Variants in DPF1 observed in about 807,000 individuals in gnomAD.
DPF1 encodes zinc finger protein neuro-d4.
In DPF1, 14 loss-of-function variants were observed where a neutral mutation model predicts 58.7. That is an observed-to-expected ratio of 0.24 (90% CI 0.16 to 0.37). The LOEUF is 0.37. Among genes scored for constraint, DPF1 ranks in the 10% least tolerant of loss-of-function variants. DPF1 has a pLI of 1.00. For missense variants in DPF1, 345 were observed against 529.9 expected, an observed-to-expected ratio of 0.65 and a Z score of 3.43; for synonymous variants, 216 against 216.0, an observed-to-expected ratio of 1.00 and a Z score of 0.00.
chr19:38,211,853 AGG>A lies in DPF1; in HGVS notation c.*208_*209del. 1 of 478,268 alleles carries A rather than the reference AGG, an allele frequency of 2.1e-6. No individual in the cohort carries two copies. The highest frequency in any genetic ancestry group is 3.6e-6 in the Non-Finnish European group (1 of 278,824). 29.6% of individuals were successfully genotyped at this position (478,268 alleles called of 1,614,324 possible). On this transcript the variant is annotated 3_prime_UTR_variant, in exon 12 of 12. Transcript: ENST00000355526. This position sits in a 1 kb window ranked among gnomAD's most constrained non-coding sequence, Gnocchi z 4.0. ...GGTGTCCATTTGCCAAGGGACAGAG[AGG>A]GAGGGAGGGAGGGAGAGGCCCTGGC...
chr19:38,211,930 G>T lies in DPF1; in HGVS notation c.*133C>A. ...ACATTCCACTTGCACAGAGGGGAGG[G>T]GGTGGCCCAGCCCCCTCTCGGCTTC... On this transcript the variant is annotated 3_prime_UTR_variant, in exon 12 of 12. Coordinates refer to ENST00000355526, the MANE Select transcript of DPF1 (RefSeq NM_001135155.3). This position sits in a 1 kb window ranked among gnomAD's most constrained non-coding sequence, Gnocchi z 4.0. 1.0e-6 allele frequency: 1 copy of T among 961,524 alleles called. No individual in the cohort carries two copies. Among genetic ancestry groups the T allele is most frequent in the Non-Finnish European group, 1.6e-6 (1 of 639,226 alleles). 59.6% of individuals were successfully genotyped at this position (961,524 alleles called of 1,614,324 possible).
At chr19:38,217,398 G>T in intron 7 of DPF1, 62 bp downstream of exon 7, 2 of 389,244 alleles carry the variant, frequency 5.1e-6, no homozygotes, top group Non-Finnish European at 7.1e-6. Context: ...CCCACCCCCA[G>T]CTGGGCTCCT....
chr19:38,217,316 AT>A lies in DPF1; in HGVS notation c.727+143del, dbSNP rs1164479062. 4 of 1,128,880 alleles carry A rather than the reference AT, an allele frequency of 3.5e-6. No homozygotes were observed. In the East Asian group the frequency reaches 1.1e-4, roughly 30 times the overall value. The allele number at this position is 1,128,880 out of a possible 1,614,324, so 69.9% of individuals were successfully genotyped here. A position where few individuals can be genotyped will look rare whatever the true frequency, so the allele number is the denominator to read the frequency against. ...TTGCCATGGCAACCCCGGAGCCAGC[AT>A]CCCCATGGTCGGTGGGGGGAGGGAA... is the stretch of plus-strand genomic sequence containing the variant. On this transcript the variant is annotated intron_variant, in intron 7 of 11. Coordinates refer to ENST00000355526, the MANE Select transcript of DPF1 (RefSeq NM_001135155.3).
intron 4 of DPF1, 55 bp from the exon 5 acceptor site, chr19:38,218,717 T>C: frequency 6.3e-7 from 1 of 1,597,942 alleles, no homozygotes; most frequent in South Asian, 1.1e-5. Flanking sequence ...TGACCTGCTT[T>C]TGAGGGGCTC....
chr19:38,214,900 A>G (rs1341930043), intron 9 of DPF1, among the ~76,000 whole-genome samples: 1 of 142,814 alleles, frequency 7.0e-6, no homozygotes, highest in Non-Finnish European at 1.5e-5. Flanking sequence ...CAGTGGTGCA[A>G]TCTTGGCTCA....
rs1967531685 is a variant in DPF1 at position 38,222,162 on chromosome 19, G to A, written c.298+195C>T. On this transcript the variant is annotated intron_variant, in intron 3 of 11. Transcript: ENST00000355526. This position sits in a 1 kb window ranked among gnomAD's most constrained non-coding sequence, Gnocchi z 4.9. ...ACAACTGGGCACCTGGGCCCATGTA[G>A]GAGGAGATGCAGTCGCCACTCAGTG... 6.6e-6 allele frequency among the ~76,000 whole-genome samples: 1 copy of A among 152,102 alleles called. No homozygotes were observed. Among genetic ancestry groups the A allele is most frequent in the Non-Finnish European group, 1.5e-5 (1 of 68,024 alleles).
chr19:38,218,095 G>A (rs1294409280), intron 5 of DPF1, among the ~76,000 whole-genome samples: 5 of 152,296 alleles, frequency 3.3e-5, no homozygotes, highest in African/African-American at 7.2e-5. Context: ...CCAGCTACTC[G>A]GGAGGCTGAG....
At chr19:38,212,237 T>TGGGGGGGGGGCCCCCCCC in intron 11 of DPF1, 43 bp downstream of exon 11, 1 of 1,256,816 alleles carries the variant, frequency 8.0e-7, no homozygotes, top group Non-Finnish European at 1.1e-6. Flanking sequence ...GGAGATGGCG[T>TGGGGGGGGGGCCCCCCCC]TCCCACCCAC....
At chr19:38,217,759 C>T (rs751398827) in intron 6 of DPF1, 39 bp downstream of exon 6, 4 of 1,612,528 alleles carry the variant, frequency 2.5e-6, no homozygotes, top group Admixed American at 3.3e-5. Context: ...TCTCTGGGCA[C>T]CCCTCTCTCT....
At chr19:38,218,691 A>T (rs1280410055) in intron 4 of DPF1, 29 bp from the exon 5 acceptor site, 1 of 1,612,834 alleles carries the variant, frequency 6.2e-7, no homozygotes, top group African/African-American at 1.3e-5. Flanking sequence ...AGACGGGTCA[A>T]GAAAGTGGGG....
upstream of DPF1, chr19:38,228,699 A>T (rs1967930585): frequency 6.6e-6 from 1 of 152,370 alleles, no homozygotes; most frequent in African/African-American, 2.4e-5. Context: ...CAAGAGCGAG[A>T]TGGAGAGGGG....
At chr19:38,212,494 C>G in intron 10 of DPF1, 133 bp from the exon 11 acceptor site, 1 of 550,170 alleles carries the variant, frequency 1.8e-6, no homozygotes, top group Non-Finnish European at 3.2e-6. Flanking sequence ...CTGAGAAGGT[C>G]TTTGCAGCAG....
At chr19:38,219,322 C>T in intron 3 of DPF1, 2 of 491,602 alleles carry the variant, frequency 4.1e-6, no homozygotes, top group East Asian at 3.7e-5. Flanking sequence ...GGCCATCAGG[C>T]ACACCCAGAC....
At chr19:38,226,654 G>T (rs546944559), upstream of DPF1, among the ~76,000 whole-genome samples, 5 of 152,130 alleles carry the variant, frequency 3.3e-5, no homozygotes, top group South Asian at 1.0e-3. Flanking sequence ...GCCTGGAGTG[G>T]TGACAAGGGG....
At position 38,222,817 on chromosome 19, in the gene DPF1, C is replaced by G; in HGVS notation, c.30-109G>C. On this transcript the variant is annotated intron_variant, in intron 1 of 11. Transcript: ENST00000355526. This position sits in a 1 kb window ranked among gnomAD's most constrained non-coding sequence, Gnocchi z 4.9. ...CCGCCCAGGCTCGGGAGGGGTGGGC[C>G]GACCCCTCCAGCCTCACCTCTCCCC... The G allele has an allele frequency of 7.3e-7, 1 of 1,374,154 alleles. No homozygotes were observed. The highest frequency in any genetic ancestry group is 9.5e-7 in the Non-Finnish European group (1 of 1,053,920). The allele number at this position is 1,374,154 out of a possible 1,614,324, so 85.1% of individuals were successfully genotyped here. A position where few individuals can be genotyped will look rare whatever the true frequency, so the allele number is the denominator to read the frequency against.
At position 38,211,768 on chromosome 19, in the gene DPF1, C is replaced by T; in HGVS notation, c.*295G>A. The T allele has an allele frequency of 2.1e-6, 1 of 472,142 alleles. No homozygotes were observed. The highest frequency in any genetic ancestry group is 3.7e-6 in the Non-Finnish European group (1 of 266,846). 29.2% of individuals were successfully genotyped at this position (472,142 alleles called of 1,614,324 possible). On this transcript the variant is annotated 3_prime_UTR_variant, in exon 12 of 12. Transcript: ENST00000355526. This position sits in a 1 kb window ranked among gnomAD's most constrained non-coding sequence, Gnocchi z 4.0. ...AGGCTCTGTCCATGCCCCTGGCTGG[C>T]ACCCACCACCCCCCATGCCCGCCCA... is the stretch of plus-strand genomic sequence containing the variant.
At chr19:38,212,422 G>GGGGGCT in intron 10 of DPF1, 61 bp from the exon 11 acceptor site, 1 of 631,714 alleles carries the variant, frequency 1.6e-6, no homozygotes, top group Non-Finnish European at 2.8e-6. Context: ...AACGGGGGTG[G>GGGGGCT]GGGGCTGGGG....
At chr19:38,227,128 G>A (rs555593752), upstream of DPF1, among the ~76,000 whole-genome samples, 2 of 147,778 alleles carry the variant, frequency 1.4e-5, no homozygotes, top group African/African-American at 5.0e-5. Context: ...GCCCAGGCTG[G>A]AGTGCCATGG....
In DPF1 at chr19:38,222,787, C is replaced by G; in HGVS notation, c.30-79G>C. On this transcript the variant is annotated intron_variant, in intron 1 of 11. Coordinates refer to ENST00000355526, the MANE Select transcript of DPF1 (RefSeq NM_001135155.3). This position sits in a 1 kb window ranked among gnomAD's most constrained non-coding sequence, Gnocchi z 4.9. ...TCGCCCAGCACCCCTTCCCCGGCTGCCGGGCCGCCCAGGCTCGGGAGGGGT... is the reference window on the plus strand; with the variant it reads ...TCGCCCAGCACCCCTTCCCCGGCTGGCGGGCCGCCCAGGCTCGGGAGGGGT... 7.0e-7 allele frequency: 1 copy of G among 1,427,554 alleles called. No individual in the cohort carries two copies. Among genetic ancestry groups the G allele is most frequent in the Non-Finnish European group, 9.2e-7 (1 of 1,091,096 alleles). The allele number at this position is 1,427,554 out of a possible 1,614,324, so 88.4% of individuals were successfully genotyped here. A position where few individuals can be genotyped will look rare whatever the true frequency, so the allele number is the denominator to read the frequency against.
Sources: allele counts gnomAD v4.1 joint callset (sites outside exome capture counted in the v4.1 genomes callset), GRCh38; gene constraint gnomAD v4.1.1; non-coding constraint Gnocchi (gnomAD v3.1); transcripts MANE v1.5; gene names NCBI Gene and HGNC (gene_info 2026-07-23, HGNC 2026-07-21).